The following MLPH variants were observed in gnomAD, a reference collection of about 807,000 sequenced individuals.
MLPH encodes exophilin-3.
Under a neutral mutation model 72.1 loss-of-function variants are expected in MLPH, and 51 were observed. The observed-to-expected ratio is 0.71, with a 90% confidence interval of 0.56 to 0.89. MLPH has a LOEUF of 0.89. Among genes scored for constraint, MLPH ranks in the 40% least tolerant of loss-of-function variants. The pLI is 0.00. For missense variants in MLPH, 743 were observed against 759.9 expected, an observed-to-expected ratio of 0.98 and a Z score of 0.26; for synonymous variants, 301 against 310.1, an observed-to-expected ratio of 0.97 and a Z score of 0.31.
Position 237,525,754 on chromosome 2 carries a change from T to C in MLPH, c.829T>C (p.Cys277Arg). ...PSRHGALAEL[C>R]PPGGSHRMAL... ...CAGACACGGCGCCCTGGCTGAGCTC[T>C]GCCCGCCTGGAGGCTCCCACAGGAT... Residue 277 changes from cysteine to arginine, a missense_variant, in exon 7 of 16, where the codon TGC becomes CGC. Coordinates refer to ENST00000264605, the MANE Select transcript of MLPH (RefSeq NM_024101.7). 6.2e-7 allele frequency: 1 copy of C among 1,613,806 alleles called. No homozygotes were observed. The highest frequency in any genetic ancestry group is 1.1e-5 in the South Asian group (1 of 91,080).
chr2:237,495,663 T>C (rs938159122), intron 2 of MLPH, among the ~76,000 whole-genome samples: 1 of 152,172 alleles, frequency 6.6e-6, no homozygotes, highest in Non-Finnish European at 1.5e-5. Flanking sequence ...CTCCCCACCG[T>C]GTGATCCCCC....
chr2:237,551,315 G>A (rs191178695), intron 14 of MLPH, among the ~76,000 whole-genome samples: 31 of 152,388 alleles, frequency 2.0e-4, no homozygotes, highest in South Asian at 1.7e-3. Context: ...ACAGGAGCAC[G>A]CTGCTGAGCC....
At position 237,553,349 on chromosome 2, in the gene MLPH, G is replaced by A; in HGVS notation, c.1777-217G>A. The A allele has an allele frequency of 4.7e-6, 3 of 643,162 alleles. No homozygotes were observed. In the East Asian group the frequency reaches 8.3e-5, roughly 18 times the overall value. 39.8% of individuals were successfully genotyped at this position (643,162 alleles called of 1,614,324 possible). On this transcript the variant is annotated intron_variant, in intron 15 of 15. Transcript: ENST00000264605. ...GGGTTTTCATTTTGATTCAGTTCTA[G>A]GAAGTCAGCACGAATTGGCCTTAGG...
intron 14 of MLPH, chr2:237,552,076 A>G: frequency 2.2e-6 from 1 of 455,700 alleles, no homozygotes; most frequent in Non-Finnish European, 4.0e-6. Context: ...CTGCTTCATT[A>G]GTGTGAGGAT....
Position 237,505,754 on chromosome 2 carries a change from A to G in MLPH, c.111-4820A>G, listed in dbSNP as rs2079755009. ...CCTAGAAGCGTTTTCCTTCCCTGGT[A>G]TACGCCCTTTCTTCAGAGGCTGCCG... is the stretch of plus-strand genomic sequence containing the variant. On this transcript the variant is annotated intron_variant, in intron 2 of 15. Transcript: ENST00000264605. This position sits in a 1 kb window ranked among gnomAD's most constrained non-coding sequence, Gnocchi z 4.5. Among the ~76,000 whole-genome samples, 1 of 152,098 alleles carries G rather than the reference A, an allele frequency of 6.6e-6. No homozygotes were observed. Among genetic ancestry groups the G allele is most frequent in the African/African-American group, 2.4e-5 (1 of 41,408 alleles).
At position 237,532,971 on chromosome 2, in the gene MLPH, C is replaced by G. The variant is rs918853968; in HGVS notation, c.1021-1593C>G. 5.3e-5 allele frequency among the ~76,000 whole-genome samples: 8 copies of G among 152,182 alleles called. 1 individual carries two copies. The highest frequency in any genetic ancestry group is 1.2e-4 in the African/African-American group (5 of 41,432). ...CAGCCCTTCTGCAGCCCGGCAGGCC[C>G]GGCCCATTCCACACAGTTCTCAGCA... On this transcript the variant is annotated intron_variant, in intron 8 of 15. Transcript: ENST00000264605.
intron 8 of MLPH, among the ~76,000 whole-genome samples, chr2:237,532,397 G>GTA (rs2080439236): frequency 6.6e-6 from 1 of 152,242 alleles, no homozygotes; most frequent in Non-Finnish European, 1.5e-5. Context: ...CAAGCATGTG[G>GTA]TAGGAAGGAA....
intron 2 of MLPH, among the ~76,000 whole-genome samples, chr2:237,504,664 C>G (rs956858286): frequency 9.9e-5 from 15 of 152,216 alleles, no homozygotes; most frequent in Non-Finnish European, 8.8e-5. Flanking sequence ...CCGGTTCTGT[C>G]CACCATGCTG....
intron 2 of MLPH, among the ~76,000 whole-genome samples, chr2:237,497,569 G>T (rs943013258): frequency 1.3e-5 from 2 of 152,182 alleles, no homozygotes; most frequent in Admixed American, 1.3e-4. Context: ...CAAACCAGGT[G>T]GTGTGGACGC....
intron 8 of MLPH, among the ~76,000 whole-genome samples, chr2:237,527,956 A>T (rs1368127759): frequency 2.0e-5 from 3 of 152,254 alleles, no homozygotes; most frequent in African/African-American, 7.2e-5. Flanking sequence ...CCTAAAAAGG[A>T]AAGAAACGCT....
At chr2:237,538,383 A>G (rs1178391656) in intron 9 of MLPH, among the ~76,000 whole-genome samples, 1 of 152,220 alleles carries the variant, frequency 6.6e-6, no homozygotes, top group African/African-American at 2.4e-5. Context: ...ACCCAAGGCG[A>G]CAGGACGGAT....
intron 7 of MLPH, among the ~76,000 whole-genome samples, chr2:237,526,162 A>G (rs1281210636): frequency 6.6e-6 from 1 of 152,168 alleles, no homozygotes; most frequent in Non-Finnish European, 1.5e-5. Flanking sequence ...GGGCATTGCC[A>G]CTGCTGGCCC....
chr2:237,493,324 G>C, intron 1 of MLPH, 79 bp from the exon 2 acceptor site: 1 of 907,858 alleles, frequency 1.1e-6, no homozygotes, highest in South Asian at 1.3e-5. Context: ...GCAGCGTTCT[G>C]TGTTGTCTCT....
At chr2:237,528,646 G>A (rs80043658) in intron 8 of MLPH, among the ~76,000 whole-genome samples, 2,646 of 152,074 alleles carry the variant, frequency 0.017, 48 homozygotes, top group South Asian at 0.067. Flanking sequence ...CCACTGTGAC[G>A]TACAATTCAG....
chr2:237,487,584 G>A (rs573424581), intron 1 of MLPH, 147 bp downstream of exon 1: 177 of 153,120 alleles, frequency 1.2e-3, no homozygotes, highest in South Asian at 5.6e-3. Context: ...GGTCCAGGCT[G>A]GTGAGGACAG....
In MLPH at chr2:237,500,802, C is replaced by T. The variant is rs753444254; in HGVS notation, c.110+7266C>T. 1.1e-3 allele frequency among the ~76,000 whole-genome samples: 174 copies of T among 152,202 alleles called. 1 individual carries two copies. The highest frequency in any genetic ancestry group is 4.0e-3 in the African/African-American group (167 of 41,516). On this transcript the variant is annotated intron_variant, in intron 2 of 15. Coordinates refer to ENST00000264605, the MANE Select transcript of MLPH (RefSeq NM_024101.7). ...CCCACACCCCACACTCAGCCAGTCC[C>T]GTGGCTCAACCAATACAGCCACTGC...
In MLPH at chr2:237,511,030, T is replaced by C; in HGVS notation, c.374T>C (p.Val125Ala). 6.2e-7 allele frequency: 1 copy of C among 1,613,924 alleles called. No homozygotes were observed. Among genetic ancestry groups the C allele is most frequent in the Non-Finnish European group, 8.5e-7 (1 of 1,179,972 alleles). The part of the protein sequence containing the change: ...IGSLEWYYEH[V>A]KARFKRFGSA... Reference sequence around the variant, plus strand: ...TCACTGGAGTGGTACTATGAGCATGTGAAAGCCCGCTTCAAGAGGTTCGGA... The same window carrying C: ...TCACTGGAGTGGTACTATGAGCATGCGAAAGCCCGCTTCAAGAGGTTCGGA... The change falls in exon 4 of 16, where the codon GTG becomes GCG. Residue 125 changes from valine (V) to alanine (A), a missense_variant. Coordinates refer to ENST00000264605, the MANE Select transcript of MLPH (RefSeq NM_024101.7).
intron 12 of MLPH, chr2:237,545,873 C>G (rs1036215536): frequency 4.0e-5 from 8 of 198,014 alleles, no homozygotes; most frequent in African/African-American, 1.9e-4. Flanking sequence ...AAAAAATTAG[C>G]TGTCGATCTT....
chr2:237,496,751 T>C (rs376540229), intron 2 of MLPH, among the ~76,000 whole-genome samples: 1 of 152,066 alleles, frequency 6.6e-6, no homozygotes. Context: ...TGTCTTCCGA[T>C]GGGAAGGGGC....
Sources: allele counts gnomAD v4.1 joint callset (sites outside exome capture counted in the v4.1 genomes callset), GRCh38; gene constraint gnomAD v4.1.1; non-coding constraint Gnocchi (gnomAD v3.1); transcripts MANE v1.5; gene names NCBI Gene and HGNC (gene_info 2026-07-23, HGNC 2026-07-21).